Variants in PPFIA2 observed in about 807,000 individuals in gnomAD.
PPFIA2 encodes the protein liprin-alpha-2.
A neutral mutation model predicts 175.5 loss-of-function variants in PPFIA2; 46 were observed. The observed-to-expected ratio is 0.26, with a 90% confidence interval of 0.21 to 0.34. The LOEUF (loss-of-function observed/expected upper bound fraction) is 0.34. PPFIA2 is among the 10% of genes least tolerant of loss of function. The probability of loss-of-function intolerance (pLI) is 1.00; values close to 1 mark genes in which losing one functional copy is unlikely to be tolerated. For missense variants in PPFIA2, 1,179 were observed against 1,506.1 expected, an observed-to-expected ratio of 0.78 and a Z score of 3.60; for synonymous variants, 568 against 511.4, an observed-to-expected ratio of 1.11 and a Z score of -1.49.
intron 4 of PPFIA2, among the ~76,000 whole-genome samples, chr12:81,484,718 TG>T (rs1368317868): frequency 6.6e-6 from 1 of 151,954 alleles, no homozygotes; most frequent in Non-Finnish European, 1.5e-5. Flanking sequence ...ATCTCTACTT[TG>T]GCATAATTTA....
intron 8 of PPFIA2, among the ~76,000 whole-genome samples, chr12:81,402,399 T>C (rs2042236319): frequency 6.6e-6 from 1 of 152,220 alleles, no homozygotes; most frequent in Non-Finnish European, 1.5e-5. Context: ...ACTTGTTTTA[T>C]GGCATTAATA....
At chr12:81,283,114 T>C in intron 25 of PPFIA2, 75 bp from the exon 26 acceptor site, 1 of 1,415,700 alleles carries the variant, frequency 7.1e-7, no homozygotes, top group Non-Finnish European at 9.8e-7. Flanking sequence ...GTAAAATTTT[T>C]CTAGCAGAAG....
At chr12:81,656,315 G>T (rs528927030) in intron 4 of PPFIA2, among the ~76,000 whole-genome samples, 100 of 152,058 alleles carry the variant, frequency 6.6e-4, no homozygotes, top group African/African-American at 2.3e-3. Flanking sequence ...ACATGCTTTT[G>T]TTTAAAAGTT....
intron 17 of PPFIA2, among the ~76,000 whole-genome samples, chr12:81,348,253 T>A (rs1446319057): frequency 6.6e-6 from 1 of 152,144 alleles, no homozygotes; most frequent in Admixed American, 6.5e-5. Flanking sequence ...ACCTCCTACC[T>A]AATGAAAAAG....
chr12:81,705,674 C>A (rs938326416), intron 3 of PPFIA2, among the ~76,000 whole-genome samples: 1 of 151,994 alleles, frequency 6.6e-6, no homozygotes, highest in Non-Finnish European at 1.5e-5. Flanking sequence ...CCACACAGAG[C>A]CAAAGACCCT....
intron 8 of PPFIA2, among the ~76,000 whole-genome samples, chr12:81,401,926 TTTCAG>T (rs1472878139): frequency 3.9e-5 from 6 of 152,166 alleles, no homozygotes; most frequent in Non-Finnish European, 8.8e-5. Context: ...TTTAAATTCG[TTTCAG>T]TTAAGTGTAT....
chr12:81,615,423 C>A (rs1390242347), intron 4 of PPFIA2, among the ~76,000 whole-genome samples: 2 of 152,088 alleles, frequency 1.3e-5, no homozygotes, highest in African/African-American at 2.4e-5. Flanking sequence ...GAAATGAGGT[C>A]ATCAAGAAAG....
At chr12:81,683,788 GA>G (rs937128887) in intron 3 of PPFIA2, among the ~76,000 whole-genome samples, 12 of 151,580 alleles carry the variant, frequency 7.9e-5, no homozygotes, top group Non-Finnish European at 1.2e-4. Context: ...ATTAAATAAA[GA>G]AAAAAAAGGT....
rs532871454 is a variant in PPFIA2 at position 81,560,089 on chromosome 12, C to A, written c.304-102223G>T. ...TTTGAATTGACGTATACCTGTGATCCTGAATAATACAGGTACTGTAGACTG... is the reference window on the plus strand; with the variant it reads ...TTTGAATTGACGTATACCTGTGATCATGAATAATACAGGTACTGTAGACTG... On this transcript the variant is annotated intron_variant, in intron 4 of 32. Coordinates refer to ENST00000549396, the MANE Select transcript of PPFIA2 (RefSeq NM_003625.5). 2.0e-5 allele frequency among the ~76,000 whole-genome samples: 3 copies of A among 152,100 alleles called. No individual in the cohort carries two copies. In the South Asian group the frequency reaches 6.2e-4, roughly 32 times the overall value.
intron 4 of PPFIA2, among the ~76,000 whole-genome samples, chr12:81,574,107 A>G (rs868427763): frequency 2.0e-5 from 3 of 151,892 alleles, no homozygotes; most frequent in Non-Finnish European, 4.4e-5. Flanking sequence ...AAAAATAGTT[A>G]TCAGGGGCTG....
At chr12:81,536,545 A>C (rs1464195424) in intron 4 of PPFIA2, among the ~76,000 whole-genome samples, 1 of 151,016 alleles carries the variant, frequency 6.6e-6, no homozygotes, top group African/African-American at 2.4e-5. Context: ...CAAAATTTTA[A>C]ATTTTATATT....
intron 4 of PPFIA2, among the ~76,000 whole-genome samples, chr12:81,650,069 G>T (rs1415409099): frequency 1.3e-5 from 2 of 151,858 alleles, no homozygotes; most frequent in East Asian, 3.9e-4. Flanking sequence ...GAGTGCAGTG[G>T]TGCGATCTTG....
At chr12:81,658,710 CAT>C (rs1460753370) in intron 4 of PPFIA2, among the ~76,000 whole-genome samples, 4 of 151,698 alleles carry the variant, frequency 2.6e-5, no homozygotes, top group African/African-American at 9.7e-5. Context: ...AAATATGTTA[CAT>C]ATGTTTTATA....
At chr12:81,348,954 T>A (rs183336818) in intron 17 of PPFIA2, among the ~76,000 whole-genome samples, 2 of 152,210 alleles carry the variant, frequency 1.3e-5, no homozygotes, top group Non-Finnish European at 2.9e-5. Flanking sequence ...ATATAGAACC[T>A]GTACCTTCAA....
intron 22 of PPFIA2, chr12:81,302,142 TA>T: frequency 4.9e-6 from 2 of 406,236 alleles, no homozygotes; most frequent in Non-Finnish European, 9.8e-6. Flanking sequence ...TTGTGTCCTA[TA>T]ATGTTTTGTT....
At chr12:81,334,900 A>G (rs1419981337) in intron 21 of PPFIA2, among the ~76,000 whole-genome samples, 2 of 152,302 alleles carry the variant, frequency 1.3e-5, no homozygotes, top group South Asian at 2.1e-4. Flanking sequence ...CCCATTTCAG[A>G]TACATTGCTT....
At chr12:81,667,814 T>G (rs1038139541) in intron 4 of PPFIA2, among the ~76,000 whole-genome samples, 40 of 152,008 alleles carry the variant, frequency 2.6e-4, no homozygotes, top group Non-Finnish European at 2.4e-4. Flanking sequence ...TTTAAGTTAC[T>G]TATTTAACAG....
chr12:81,258,776 G>A lies in PPFIA2; in HGVS notation c.*918C>T, dbSNP rs1233812048. The stretch of plus-strand genomic sequence containing the variant: ...AGTGGAAATGAGCCTCAGACTCTGC[G>A]GTGGTTGACATTCACTGTCCAGTAC... On this transcript the variant is annotated 3_prime_UTR_variant, in exon 33 of 33. Transcript: ENST00000549396. 1.3e-5 allele frequency: 2 copies of A among 151,978 alleles called. No individual in the cohort carries two copies. Among genetic ancestry groups the A allele is most frequent in the African/African-American group, 2.4e-5 (1 of 41,394 alleles). 9.4% of individuals were successfully genotyped at this position (151,978 alleles called of 1,614,324 possible).
chr12:81,299,275 A>C (rs772593030), intron 23 of PPFIA2, 26 bp downstream of exon 23: 1 of 1,568,154 alleles, frequency 6.4e-7, no homozygotes. Context: ...GATTGATTCA[A>C]GGGCCTCCTA....
Sources: gnomAD v4.1 joint callset for allele counts (sites outside exome capture counted in the v4.1 genomes callset) on GRCh38, gnomAD v4.1.1 for gene constraint, MANE v1.5 for transcripts, NCBI Gene and HGNC (gene_info 2026-07-23, HGNC 2026-07-21) for gene names.